Variants in DESI2 observed in about 807,000 individuals in gnomAD.
The protein encoded by DESI2 is deubiquitinase DESI2.
DESI2 carries 10 observed loss-of-function variants against 24.1 expected under a neutral mutation model. The ratio of observed to expected loss-of-function variants is 0.41; its 90% CI spans 0.26 to 0.70. The LOEUF (loss-of-function observed/expected upper bound fraction) is 0.70, where lower values mean the gene tolerates loss of function less well. Among genes scored for constraint, DESI2 ranks in the 30% least tolerant of loss-of-function variants. The pLI, the probability that DESI2 is intolerant of heterozygous loss-of-function variation, is 0.29. For missense variants in DESI2, 122 were observed against 234.9 expected (o/e 0.52, Z 3.14); for synonymous variants, 71 against 87.7 (o/e 0.81, Z 1.06).
intron 1 of DESI2, among the ~76,000 whole-genome samples, chr1:244,671,112 G>A (rs1050292580): frequency 3.9e-5 from 6 of 152,152 alleles, no homozygotes; most frequent in Non-Finnish European, 7.3e-5. Flanking sequence ...CTACTGTTTC[G>A]CGGTTTAAGA....
At chr1:244,701,476 T>C (rs979143404) in intron 4 of DESI2, among the ~76,000 whole-genome samples, 4 of 152,134 alleles carry the variant, frequency 2.6e-5, no homozygotes, top group Admixed American at 2.6e-4. Flanking sequence ...AAGAAGATGC[T>C]TTGACTGTCA....
intron 1 of DESI2, among the ~76,000 whole-genome samples, chr1:244,662,766 C>G (rs2813920): frequency 6.6e-6 from 1 of 152,096 alleles, no homozygotes; most frequent in Non-Finnish European, 1.5e-5. Context: ...GAAGGCATTC[C>G]TGAAAGGTGA....
intron 1 of DESI2, among the ~76,000 whole-genome samples, chr1:244,671,095 A>G (rs1305609959): frequency 6.6e-6 from 1 of 152,226 alleles, no homozygotes; most frequent in Non-Finnish European, 1.5e-5. Flanking sequence ...ATGTTGTGGT[A>G]ACTCTTCTAC....
At chr1:244,686,742 T>C (rs975136911) in intron 2 of DESI2, 73 bp downstream of exon 2, 1 of 913,156 alleles carries the variant, frequency 1.1e-6, no homozygotes, top group Non-Finnish European at 1.8e-6. Flanking sequence ...ATCATAACTA[T>C]AGGTCTCTCT....
intron 4 of DESI2, among the ~76,000 whole-genome samples, chr1:244,704,156 A>G (rs1001867076): frequency 2.0e-5 from 3 of 152,252 alleles, no homozygotes; most frequent in Non-Finnish European, 2.9e-5. Context: ...GAGAAAAGGT[A>G]CACGTTGTAT....
chr1:244,678,907 G>A (rs1676505262), intron 1 of DESI2, among the ~76,000 whole-genome samples: 1 of 152,152 alleles, frequency 6.6e-6, no homozygotes, highest in Non-Finnish European at 1.5e-5. Context: ...ATAAACAATG[G>A]GATTTCTCAA....
At position 244,671,399 on chromosome 1, in the gene DESI2, A is replaced by G. The variant is rs192250484; in HGVS notation, c.43-15198A>G. Among the ~76,000 whole-genome samples, 17 of 152,220 alleles carry G rather than the reference A, an allele frequency of 1.1e-4. 1 individual carries two copies. In the East Asian group the frequency reaches 3.3e-3, roughly 29 times the overall value. On this transcript the variant is annotated intron_variant, in intron 1 of 4. Coordinates refer to ENST00000302550, the MANE Select transcript of DESI2 (RefSeq NM_016076.5). ...ACCTTTTTCTGCAAGGCCGGCCCCC[A>G]GTGTCATTATATGTAACTCTTCATC...
chr1:244,676,970 T>A (rs1364993124), intron 1 of DESI2, among the ~76,000 whole-genome samples: 1 of 149,942 alleles, frequency 6.7e-6, no homozygotes, highest in East Asian at 2.0e-4. Context: ...CAGGGATAAA[T>A]CCCACTGGGT....
intron 1 of DESI2, among the ~76,000 whole-genome samples, chr1:244,662,015 C>A (rs909560738): frequency 6.6e-6 from 1 of 152,224 alleles, no homozygotes; most frequent in African/African-American, 2.4e-5. Flanking sequence ...AACTAGTTTA[C>A]AGTCCCACAA....
intron 1 of DESI2, 64 bp from the exon 2 acceptor site, chr1:244,686,533 T>C: frequency 9.8e-7 from 1 of 1,015,644 alleles, no homozygotes; most frequent in South Asian, 1.3e-5. Flanking sequence ...CAGTCACTTC[T>C]GTAGCGCGGA....
chr1:244,694,203 G>T (rs1004899597), intron 4 of DESI2, among the ~76,000 whole-genome samples: 1 of 152,158 alleles, frequency 6.6e-6, no homozygotes, highest in Non-Finnish European at 1.5e-5. Flanking sequence ...CTACAGCAGG[G>T]ATTAGCAAAC....
At position 244,705,669 on chromosome 1, in the gene DESI2, G is replaced by A. The variant is rs1302535644; in HGVS notation, c.465G>A (p.Leu155=). 9.3e-6 allele frequency: 15 copies of A among 1,614,022 alleles called. No homozygotes were observed. The Admixed American group carries it at 2.0e-4, about 22-fold the overall frequency. The change falls in exon 5 of 5, where the codon CTG becomes CTA. Residue 155 remains leucine, a synonymous_variant. Transcript: ENST00000302550. ...AGGAGTGGCTCACGCCCGCAGCCCT[G>A]CAGTCTAGTGTCAGCCAAGAACTCC... ...LPKEWLTPAA[L]QSSVSQELQD... is the part of the protein sequence containing the mutation.
intron 3 of DESI2, among the ~76,000 whole-genome samples, chr1:244,691,475 C>A (rs1330429262): frequency 7.2e-5 from 11 of 152,228 alleles, no homozygotes. Context: ...AAGTTTGTTT[C>A]TAGGTGACAT....
intron 4 of DESI2, among the ~76,000 whole-genome samples, chr1:244,692,446 CACTT>C (rs903903961): frequency 6.6e-6 from 1 of 151,910 alleles, no homozygotes; most frequent in African/African-American, 2.4e-5. Context: ...AACACATAGG[CACTT>C]ACTTGCCTTC....
chr1:244,678,787 G>C (rs1007662409), intron 1 of DESI2, among the ~76,000 whole-genome samples: 3 of 152,160 alleles, frequency 2.0e-5, no homozygotes, highest in African/African-American at 7.2e-5. Flanking sequence ...GCTGCAAGAA[G>C]AGAATAGCCC....
intron 1 of DESI2, among the ~76,000 whole-genome samples, chr1:244,686,296 C>T (rs1456166083): frequency 2.0e-5 from 3 of 151,154 alleles, no homozygotes; most frequent in African/African-American, 4.9e-5. Flanking sequence ...AAGTCACTAA[C>T]AGCAGAGCTC....
chr1:244,705,341 G>C (rs1677652498), intron 4 of DESI2, among the ~76,000 whole-genome samples: 1 of 152,122 alleles, frequency 6.6e-6, no homozygotes, highest in Non-Finnish European at 1.5e-5. Flanking sequence ...ACTTGACAAG[G>C]TTCTTTAGAA....
At chr1:244,666,271 G>A (rs988661691) in intron 1 of DESI2, among the ~76,000 whole-genome samples, 3 of 152,128 alleles carry the variant, frequency 2.0e-5, no homozygotes, top group African/African-American at 4.8e-5. Context: ...TGATCATATG[G>A]AATGAATTGT....
intron 1 of DESI2, chr1:244,653,884 C>G (rs1230644021): frequency 4.3e-6 from 2 of 469,250 alleles, no homozygotes; most frequent in African/African-American, 2.0e-5. Flanking sequence ...TGAACAGGAG[C>G]CAACACACCC....
Sources: allele counts gnomAD v4.1 joint callset (sites outside exome capture counted in the v4.1 genomes callset), GRCh38; gene constraint gnomAD v4.1.1; transcripts MANE v1.5; gene names NCBI Gene and HGNC (gene_info 2026-07-23, HGNC 2026-07-21).